SERPINB8: variants seen among roughly 807,000 people sequenced by gnomAD.
SERPINB8 encodes the protein serpin family B member 8, also known as serpin B8.
Under a neutral mutation model 35.3 loss-of-function variants are expected in SERPINB8, and 25 were observed. That is an observed-to-expected ratio of 0.71 (90% CI 0.52 to 0.99). The LOEUF is 0.99. Among genes scored for constraint, SERPINB8 ranks in the 50% least tolerant of loss-of-function variants. The pLI, the probability that SERPINB8 is intolerant of heterozygous loss-of-function variation, is 0.00. For missense variants in SERPINB8, 484 were observed against 446.5 expected (o/e 1.08, Z -0.76); for synonymous variants, 186 against 160.8 (o/e 1.16, Z -1.19).
Position 63,987,127 on chromosome 18 carries a change from GC to G in SERPINB8, c.975del (p.Thr326GlnfsTer80). 2.5e-6 allele frequency: 4 copies of G among 1,614,196 alleles called. No homozygotes were observed. The highest frequency in any genetic ancestry group is 3.4e-6 in the Non-Finnish European group (4 of 1,180,034). ...TGCTTCGTGGAGGTCAATGAGGAAG[GC>G]ACAGAGGCTGCCGCAGCCACTGCTG... is the stretch of plus-strand genomic sequence containing the variant. Reference protein sequence around the residue: ...HKCFVEVNEEGTEAAAATAVV... With the variant: ...HKCFVEVNEEXTEAAAATAVV... On this transcript the variant is annotated frameshift_variant, in exon 7 of 7. Transcript: ENST00000397985. LOFTEE classifies it high-confidence loss of function.
chr18:63,998,532 G>T (rs1022497727), intron 1 of SERPINB8, among the ~76,000 whole-genome samples: 2 of 152,156 alleles, frequency 1.3e-5, no homozygotes, highest in African/African-American at 4.8e-5. Flanking sequence ...CATGTCTCAG[G>T]TGTGCAATTT....
At chr18:63,971,710 G>T (rs1474075221) in intron 1 of SERPINB8, among the ~76,000 whole-genome samples, 1 of 152,194 alleles carries the variant, frequency 6.6e-6, no homozygotes, top group Non-Finnish European at 1.5e-5. Context: ...ACTGAGCCGG[G>T]TTATCTTTCT....
chr18:63,982,095 C>T (rs2050681395), intron 4 of SERPINB8, among the ~76,000 whole-genome samples: 1 of 152,148 alleles, frequency 6.6e-6, no homozygotes, highest in Admixed American at 6.5e-5. Flanking sequence ...GAAAATGGCT[C>T]CTCCTTGGAA....
At chr18:63,996,447 C>T (rs55868930) in intron 1 of SERPINB8, among the ~76,000 whole-genome samples, 2,951 of 152,302 alleles carry the variant, frequency 0.019, 105 homozygotes, top group African/African-American at 0.067. Flanking sequence ...ATGCCTTTTT[C>T]AGCATCCTCC....
intron 6 of SERPINB8, 59 bp from the exon 7 acceptor site, chr18:63,986,815 T>C: frequency 6.7e-7 from 1 of 1,483,632 alleles, no homozygotes; most frequent in Admixed American, 2.1e-5. Flanking sequence ...AATAAATGGG[T>C]GTGTGGGTAT....
chr18:63,989,461 T>C (rs144913358), downstream of SERPINB8: 1 of 152,220 alleles, frequency 6.6e-6, no homozygotes, highest in Non-Finnish European at 1.5e-5. Flanking sequence ...GGTGTAAGTT[T>C]AACTTTTTAA....
At position 63,988,618 on chromosome 18, in the gene SERPINB8, G is replaced by C. The variant is rs1364495874; in HGVS notation, c.*1340G>C. ...TTTATACCACCACTGACTGCTGCCT[G>C]CTTTATTATTTCTTTAATGAGTTGG... is the stretch of plus-strand genomic sequence containing the variant. On this transcript the variant is annotated 3_prime_UTR_variant, in exon 7 of 7. Coordinates refer to ENST00000397985, the MANE Select transcript of SERPINB8 (RefSeq NM_002640.4). 1 of 152,148 alleles carries C rather than the reference G, an allele frequency of 6.6e-6. No individual in the cohort carries two copies. Among genetic ancestry groups the C allele is most frequent in the Admixed American group, 6.5e-5 (1 of 15,280 alleles). The allele number at this position is 152,148 out of a possible 1,614,324, so 9.4% of individuals were successfully genotyped here. A position where few individuals can be genotyped will look rare whatever the true frequency, so the allele number is the denominator to read the frequency against.
intron 1 of SERPINB8, among the ~76,000 whole-genome samples, chr18:63,994,475 G>A (rs1341999984): frequency 6.6e-6 from 1 of 152,178 alleles, no homozygotes; most frequent in African/African-American, 2.4e-5. Flanking sequence ...AAGAGTCTGA[G>A]GGTACCGCAG....
chr18:63,999,553 G>A (rs118000655), intron 1 of SERPINB8, among the ~76,000 whole-genome samples: 1 of 152,048 alleles, frequency 6.6e-6, no homozygotes, highest in African/African-American at 2.4e-5. Context: ...AGACTCTTCA[G>A]TTCCACTCAG....
chr18:64,002,820 C>G (rs2050882149), intron 1 of SERPINB8, among the ~76,000 whole-genome samples: 1 of 152,182 alleles, frequency 6.6e-6, no homozygotes, highest in African/African-American at 2.4e-5. Context: ...GGTGCCGACT[C>G]GTGCCCCACC....
In SERPINB8 at chr18:63,979,830, T is replaced by G. The variant is rs970015265; in HGVS notation, c.198T>G (p.Ile66Met). Residue 66 changes from isoleucine to methionine, a missense_variant, in exon 3 of 7, where the codon ATT (isoleucine) becomes ATG (methionine). Physicochemically the swap from Ile to Met is conservative, Grantham distance 10. Transcript: ENST00000397985. ...QALCLYKDGD[I>M]HRGFQSLLSE... Reference sequence around the variant, plus strand: ...TTTGTTTATACAAAGACGGAGATATTCACCGAGGTTTCCAGTCACTTCTCA... The same window carrying G: ...TTTGTTTATACAAAGACGGAGATATGCACCGAGGTTTCCAGTCACTTCTCA... 6.2e-7 allele frequency: 1 copy of G among 1,614,086 alleles called. No homozygotes were observed. Among genetic ancestry groups the G allele is most frequent in the Non-Finnish European group, 8.5e-7 (1 of 1,179,966 alleles).
chr18:63,995,553 T>C (rs910637075), intron 1 of SERPINB8, among the ~76,000 whole-genome samples: 8 of 152,184 alleles, frequency 5.3e-5, no homozygotes, highest in Non-Finnish European at 8.8e-5. Context: ...TTGGTATAGA[T>C]GTATTGTCTA....
At chr18:64,004,146 A>G (rs1297727908) in intron 1 of SERPINB8, among the ~76,000 whole-genome samples, 2 of 96,782 alleles carry the variant, frequency 2.1e-5, no homozygotes, top group South Asian at 4.1e-4. Flanking sequence ...TGTTTTGCCT[A>G]TATCTTTTTT....
rs150608831 is a variant in SERPINB8 at position 64,019,270 on chromosome 18, C to T, written c.*363C>T. ...AGCAGTCATCTTAGACTTCTCCTTA[C>T]TCTTGCCTCCTGCATCCAGTCACTT... On this transcript the variant is annotated 3_prime_UTR_variant, in exon 8 of 8. Transcript: ENST00000636430. 2.5e-3 allele frequency: 383 copies of T among 152,832 alleles called. 1 individual carries two copies. The highest frequency in any genetic ancestry group is 3.0e-3 in the Non-Finnish European group (208 of 68,454). 9.5% of individuals were successfully genotyped at this position (152,832 alleles called of 1,614,324 possible).
At chr18:64,005,889 CAT>C (rs1159970881), downstream of SERPINB8, among the ~76,000 whole-genome samples, 1 of 152,094 alleles carries the variant, frequency 6.6e-6, no homozygotes, top group African/African-American at 2.4e-5. Flanking sequence ...TAAATTTTCT[CAT>C]ATCTTCATGG....
intron 7 of SERPINB8, among the ~76,000 whole-genome samples, chr18:64,017,625 A>G (rs1288203409): frequency 3.9e-5 from 6 of 152,280 alleles, no homozygotes; most frequent in African/African-American, 1.2e-4. Flanking sequence ...AAAAAAACTT[A>G]TTACTGAGAG....
intron 1 of SERPINB8, among the ~76,000 whole-genome samples, chr18:63,975,593 C>T (rs1276682807): frequency 6.6e-6 from 1 of 152,054 alleles, no homozygotes; most frequent in East Asian, 1.9e-4. Context: ...TAACCATAAC[C>T]CTAACCCTAC....
rs1480814052 is a variant in SERPINB8, at chr18:63,989,153, A to G, written c.*1875A>G. Reference sequence around the variant, plus strand: ...ACATACATGGAACCATACATCATCTATGCTTTGTAGTATGACTCCTGTCAC... The same window carrying G: ...ACATACATGGAACCATACATCATCTGTGCTTTGTAGTATGACTCCTGTCAC... On this transcript the variant is annotated 3_prime_UTR_variant, in exon 7 of 7. Coordinates refer to ENST00000397985, the MANE Select transcript of SERPINB8 (RefSeq NM_002640.4). The G allele has an allele frequency of 6.6e-6, 1 of 152,208 alleles. No individual in the cohort carries two copies. Among genetic ancestry groups the G allele is most frequent in the African/African-American group, 2.4e-5 (1 of 41,446 alleles). The allele number at this position is 152,208 out of a possible 1,614,324, so 9.4% of individuals were successfully genotyped here. A position where few individuals can be genotyped will look rare whatever the true frequency, so the allele number is the denominator to read the frequency against.
At chr18:63,997,663 A>G (rs2050856694) in intron 1 of SERPINB8, among the ~76,000 whole-genome samples, 1 of 152,212 alleles carries the variant, frequency 6.6e-6, no homozygotes, top group South Asian at 2.1e-4. Context: ...TCCCTCAACA[A>G]AGGAGCCCTG....
Sources: allele counts gnomAD v4.1 joint callset (sites outside exome capture counted in the v4.1 genomes callset), GRCh38; gene constraint gnomAD v4.1.1; transcripts MANE v1.5; gene names NCBI Gene and HGNC (gene_info 2026-07-23, HGNC 2026-07-21).